Variants in CACNA2D3 observed in about 807,000 individuals in gnomAD.
CACNA2D3 encodes calcium voltage-gated channel auxiliary subunit alpha2delta 3.
In CACNA2D3, 60 loss-of-function variants were observed where a neutral mutation model predicts 160.6. The observed-to-expected ratio is 0.37, with a 90% CI of 0.30 to 0.46. The LOEUF (loss-of-function observed/expected upper bound fraction) is 0.46, where lower values mean the gene tolerates loss of function less well. CACNA2D3 is among the 20% of genes least tolerant of loss of function. The pLI, the probability that CACNA2D3 is intolerant of heterozygous loss-of-function variation, is 1.00. For missense variants in CACNA2D3, 1,205 were observed against 1,365.0 expected (o/e 0.88, Z 1.85); for synonymous variants, 558 against 492.9 (o/e 1.13, Z -1.75).
intron 17 of CACNA2D3, among the ~76,000 whole-genome samples, chr3:54,863,697 C>A (rs1017999422): frequency 6.7e-6 from 1 of 149,230 alleles, no homozygotes; most frequent in African/African-American, 2.5e-5. Flanking sequence ...GTTTTCAAAG[C>A]AGCCTGTTAA....
intron 11 of CACNA2D3, among the ~76,000 whole-genome samples, chr3:54,654,667 G>T (rs1699843703): frequency 6.6e-6 from 1 of 152,142 alleles, no homozygotes; most frequent in African/African-American, 2.4e-5. Context: ...AAGTGCTAAG[G>T]TCTCTGAGCT....
intron 18 of CACNA2D3, among the ~76,000 whole-genome samples, chr3:54,876,693 G>T (rs889786724): frequency 6.6e-6 from 1 of 152,208 alleles, no homozygotes; most frequent in Admixed American, 6.5e-5. Context: ...CTTCTTATCT[G>T]TGCCTATTTC....
At chr3:54,797,118 T>A (rs1173740016) in intron 13 of CACNA2D3, among the ~76,000 whole-genome samples, 2 of 152,186 alleles carry the variant, frequency 1.3e-5, no homozygotes, top group Admixed American at 1.3e-4. Context: ...TAAATGATGC[T>A]CTCTGTCTTG....
At chr3:54,489,769 C>T (rs1701078049) in intron 4 of CACNA2D3, among the ~76,000 whole-genome samples, 1 of 152,190 alleles carries the variant, frequency 6.6e-6, no homozygotes, top group South Asian at 2.1e-4. Context: ...GCCATTAATA[C>T]TTGTATTTGA....
chr3:54,835,533 A>C (rs973869358), intron 14 of CACNA2D3, among the ~76,000 whole-genome samples: 3 of 152,172 alleles, frequency 2.0e-5, no homozygotes, highest in Non-Finnish European at 4.4e-5. Flanking sequence ...TACTCAAGAG[A>C]CCAGCCAGTC....
chr3:55,025,169 C>T (rs925648731), intron 35 of CACNA2D3, among the ~76,000 whole-genome samples: 7 of 151,946 alleles, frequency 4.6e-5, no homozygotes, highest in Non-Finnish European at 7.4e-5. Flanking sequence ...TATTAGAAAT[C>T]GTAATTAGAA....
intron 2 of CACNA2D3, among the ~76,000 whole-genome samples, chr3:54,179,234 A>G (rs1045339095): frequency 4.6e-5 from 7 of 152,204 alleles, no homozygotes; most frequent in African/African-American, 1.7e-4. Context: ...GTTTGACTCA[A>G]AGTAGGAATG....
chr3:54,171,891 T>C (rs1700578982), intron 2 of CACNA2D3, among the ~76,000 whole-genome samples: 1 of 152,218 alleles, frequency 6.6e-6, no homozygotes, highest in Admixed American at 6.5e-5. Context: ...TCTGTCTGCA[T>C]CTCCAACATT....
chr3:54,262,654 G>T (rs562053300), intron 2 of CACNA2D3, among the ~76,000 whole-genome samples: 13 of 152,090 alleles, frequency 8.5e-5, no homozygotes. Flanking sequence ...CTGAGCATCC[G>T]TCGTGTGATT....
Position 54,887,947 on chromosome 3 carries a change from C to T in CACNA2D3, c.2057-12C>T, listed in dbSNP as rs1345921326. On this transcript the variant is annotated splice_polypyrimidine_tract_variant and intron_variant, in intron 23 of 37. Transcript: ENST00000474759. ...CCTGCTGAAGCATCCTCTTGTCTGT[C>T]CCTCCCAACAGGTGATAAAGAATTG... is the stretch of plus-strand genomic sequence containing the variant. 6.2e-7 allele frequency: 1 copy of T among 1,608,816 alleles called. No individual in the cohort carries two copies. Among genetic ancestry groups the T allele is most frequent in the Non-Finnish European group, 8.5e-7 (1 of 1,175,370 alleles).
chr3:54,236,619 T>C (rs11130405), intron 2 of CACNA2D3, among the ~76,000 whole-genome samples: 1 of 152,082 alleles, frequency 6.6e-6, no homozygotes, highest in Admixed American at 6.5e-5. Context: ...ATAAAAACTC[T>C]GTGCATAGAA....
At chr3:54,711,322 A>G (rs1700948320) in intron 11 of CACNA2D3, among the ~76,000 whole-genome samples, 1 of 152,224 alleles carries the variant, frequency 6.6e-6, no homozygotes, top group African/African-American at 2.4e-5. Flanking sequence ...AGGATAAGCC[A>G]ACTTCAAACA....
chr3:54,627,714 A>T, intron 9 of CACNA2D3, 73 bp from the exon 10 acceptor site: 3 of 894,200 alleles, frequency 3.4e-6, no homozygotes, highest in Non-Finnish European at 5.5e-6. Context: ...CATGGCGTAC[A>T]TCTAATTCAT....
rs577943510 is a variant in CACNA2D3, at chr3:54,584,834, G to T, written c.963+2957G>T. 2.0e-4 allele frequency among the ~76,000 whole-genome samples: 30 copies of T among 152,280 alleles called. 1 individual carries two copies. The highest frequency in any genetic ancestry group is 3.4e-3 in the Middle Eastern group (1 of 294). Reference sequence around the variant, plus strand: ...TTTGAATTACATAGATTTCTCATATGAAATCATGAAGACCAGAAGTAAGTA... The same window carrying T: ...TTTGAATTACATAGATTTCTCATATTAAATCATGAAGACCAGAAGTAAGTA... On this transcript the variant is annotated intron_variant, in intron 9 of 37. Transcript: ENST00000474759.
intron 35 of CACNA2D3, among the ~76,000 whole-genome samples, chr3:55,060,332 G>C (rs1704476408): frequency 6.6e-6 from 1 of 152,178 alleles, no homozygotes; most frequent in Non-Finnish European, 1.5e-5. Context: ...CTCAGTAAGT[G>C]GTAGACGATG....
intron 35 of CACNA2D3, among the ~76,000 whole-genome samples, chr3:55,065,117 T>G (rs998545931): frequency 1.1e-4 from 17 of 152,198 alleles, no homozygotes; most frequent in Admixed American, 4.6e-4. Context: ...AAGGGGTGCC[T>G]ACTTCTGTTC....
intron 2 of CACNA2D3, among the ~76,000 whole-genome samples, chr3:54,281,952 C>T (rs916658587): frequency 1.3e-5 from 2 of 152,138 alleles, no homozygotes; most frequent in Admixed American, 1.3e-4. Context: ...GTTCATTGCT[C>T]CCTCTCTCCC....
intron 3 of CACNA2D3, among the ~76,000 whole-genome samples, chr3:54,377,628 T>A (rs9841318): frequency 0.17 from 25,416 of 152,162 alleles, 2,279 homozygotes; most frequent in Admixed American, 0.24. Context: ...TTCATCAGAT[T>A]AGAAAACCAG....
chr3:54,278,521 A>G (rs987543075), intron 2 of CACNA2D3, among the ~76,000 whole-genome samples: 1 of 152,238 alleles, frequency 6.6e-6, no homozygotes, highest in Non-Finnish European at 1.5e-5. Context: ...ATTCTACTGT[A>G]AAGATGTGCA....
Sources: allele counts gnomAD v4.1 joint callset (sites outside exome capture counted in the v4.1 genomes callset), GRCh38; gene constraint gnomAD v4.1.1; transcripts MANE v1.5; gene names NCBI Gene and HGNC (gene_info 2026-07-23, HGNC 2026-07-21).